Variants in BTRC observed in about 807,000 individuals in gnomAD.
BTRC encodes the protein beta-transducin repeat containing E3 ubiquitin protein ligase.
BTRC carries 42 observed loss-of-function variants against 85.5 expected under a neutral mutation model. That is an observed-to-expected ratio of 0.49 (90% CI 0.38 to 0.64). The LOEUF is 0.64. BTRC is among the 30% of genes least tolerant of loss of function. The probability of loss-of-function intolerance (pLI) is 0.00; values close to 1 mark genes in which losing one functional copy is unlikely to be tolerated. For synonymous variants in BTRC, 255 were observed against 263.3 expected (o/e 0.97, Z 0.30); for missense variants, 594 against 743.5 (o/e 0.80, Z 2.34).
chr10:101,445,902 A>G (rs545775776), intron 2 of BTRC, among the ~76,000 whole-genome samples: 1 of 152,200 alleles, frequency 6.6e-6, no homozygotes, highest in East Asian at 1.9e-4. Context: ...TAATTAACCC[A>G]GCAATGGGCT....
chr10:101,487,651 G>A (rs998721445), intron 4 of BTRC, among the ~76,000 whole-genome samples: 1 of 152,126 alleles, frequency 6.6e-6, no homozygotes, highest in Non-Finnish European at 1.5e-5. Context: ...ATCCATCTTT[G>A]GACTCCTGTC....
At chr10:101,358,007 AAAATG>A (rs1354748346) in intron 1 of BTRC, among the ~76,000 whole-genome samples, 1 of 152,198 alleles carries the variant, frequency 6.6e-6, no homozygotes. Context: ...AAGAGAAATG[AAAATG>A]ATTGAGGGAA....
intron 1 of BTRC, among the ~76,000 whole-genome samples, chr10:101,399,325 T>C (rs1477262263): frequency 1.2e-4 from 3 of 24,944 alleles, no homozygotes; most frequent in Admixed American, 1.5e-3. Flanking sequence ...AATCACCTTT[T>C]TTTTTTTTTT....
At chr10:101,443,501 A>G (rs1167529544) in intron 2 of BTRC, among the ~76,000 whole-genome samples, 1 of 152,212 alleles carries the variant, frequency 6.6e-6, no homozygotes, top group Non-Finnish European at 1.5e-5. Context: ...GTGCATACAA[A>G]ACCACTTCAG....
intron 3 of BTRC, among the ~76,000 whole-genome samples, chr10:101,462,468 C>A (rs374461827): frequency 6.6e-6 from 1 of 152,006 alleles, no homozygotes; most frequent in Non-Finnish European, 1.5e-5. Context: ...TACCTGAAGT[C>A]GGGAGTTCGA....
chr10:101,386,454 A>G lies in BTRC; in HGVS notation c.48+32226A>G, dbSNP rs557603717. On this transcript the variant is annotated intron_variant, in intron 1 of 14. Transcript: ENST00000370187. The stretch of plus-strand genomic sequence containing the variant: ...TTAAGGTATCAACACTGACAATGCT[A>G]TCTATCTAATTAGCTCATTCAAGAA... 4.6e-5 allele frequency among the ~76,000 whole-genome samples: 7 copies of G among 152,312 alleles called. No homozygotes were observed. The South Asian group carries it at 6.2e-4, about 14-fold the overall frequency.
intron 1 of BTRC, among the ~76,000 whole-genome samples, chr10:101,422,091 G>A (rs1944118174): frequency 6.6e-6 from 1 of 152,206 alleles, no homozygotes; most frequent in African/African-American, 2.4e-5. Flanking sequence ...CCCACCAACA[G>A]TGTAAAAGTG....
intron 2 of BTRC, among the ~76,000 whole-genome samples, chr10:101,453,152 A>C (rs1485125898): frequency 1.3e-5 from 2 of 152,222 alleles, no homozygotes; most frequent in Non-Finnish European, 2.9e-5. Flanking sequence ...TCCAAGTCAC[A>C]TAATAAGTTA....
At chr10:101,514,928 G>C (rs1278800959) in intron 4 of BTRC, among the ~76,000 whole-genome samples, 2 of 152,116 alleles carry the variant, frequency 1.3e-5, no homozygotes, top group Non-Finnish European at 2.9e-5. Flanking sequence ...TTTTTTCAAA[G>C]GGTTTTGTGG....
rs1023233452 is a variant in BTRC, at chr10:101,531,342, C to T, written c.840+9C>T. The stretch of plus-strand genomic sequence containing the variant: ...TTATACAAGACATTGAGGTAAGAAT[C>T]TATGTATTTTGGGGTATTGCCCAAG... On this transcript the variant is annotated intron_variant, in intron 7 of 14. Transcript: ENST00000370187. 8 of 1,575,112 alleles carry T rather than the reference C, an allele frequency of 5.1e-6. No homozygotes were observed. Among genetic ancestry groups the T allele is most frequent in the Non-Finnish European group, 6.1e-6 (7 of 1,146,748 alleles).
At chr10:101,503,395 A>G (rs912741542) in intron 4 of BTRC, among the ~76,000 whole-genome samples, 4 of 152,224 alleles carry the variant, frequency 2.6e-5, no homozygotes, top group African/African-American at 9.6e-5. Flanking sequence ...TTCAGCTTAT[A>G]TAATAACTGC....
chr10:101,527,856 T>C (rs888446368), intron 6 of BTRC, among the ~76,000 whole-genome samples: 3 of 152,144 alleles, frequency 2.0e-5, no homozygotes. Flanking sequence ...ATATGTTTTT[T>C]AATTCTTATT....
chr10:101,354,579 T>A lies in BTRC; in HGVS notation c.48+351T>A, dbSNP rs535189009. The A allele has an allele frequency of 1.2e-3, 381 of 314,560 alleles. 2 individuals are homozygous for A. The highest frequency in any genetic ancestry group is 7.4e-3 in the African/African-American group (330 of 44,870). 19.5% of individuals were successfully genotyped at this position (314,560 alleles called of 1,614,324 possible). On this transcript the variant is annotated intron_variant, in intron 1 of 14. Coordinates refer to ENST00000370187, the MANE Select transcript of BTRC (RefSeq NM_033637.4). ...CTCTGGAGAAACGCCGTGAGGCCGC[T>A]GGCGGGGCCTTCCTGGTGTCAGGGT...
chr10:101,387,325 G>T, intron 1 of BTRC, among the ~76,000 whole-genome samples: 1 of 149,456 alleles, frequency 6.7e-6, no homozygotes. Flanking sequence ...TTTTTGTATT[G>T]GGAACATTCA....
At chr10:101,500,496 G>A (rs1946375102) in intron 4 of BTRC, among the ~76,000 whole-genome samples, 1 of 152,158 alleles carries the variant, frequency 6.6e-6, no homozygotes, top group Admixed American at 6.5e-5. Context: ...GAAGCAAAGG[G>A]ATTATTAATA....
chr10:101,487,300 T>C (rs1420337074), intron 4 of BTRC, among the ~76,000 whole-genome samples: 1 of 152,256 alleles, frequency 6.6e-6, no homozygotes, highest in Non-Finnish European at 1.5e-5. Context: ...TTCATTGCTA[T>C]ATAATTTGTG....
chr10:101,357,533 G>A (rs184019300), intron 1 of BTRC, among the ~76,000 whole-genome samples: 45 of 151,440 alleles, frequency 3.0e-4, no homozygotes, highest in Non-Finnish European at 5.4e-4. Context: ...TTAATCAAAC[G>A]GGCATTTTTA....
Position 101,354,189 on chromosome 10 carries a change from G to A in BTRC, c.9G>A (p.Pro3=). ...CAGTGGCCTCGGCGATTATGGACCC[G>A]GCCGAGGCGGTGCTGCAAGAGAAGG... The part of the protein sequence containing the change: MD[P]AEAVLQEKAL... Residue 3 remains proline, a synonymous_variant, in exon 1 of 15, where the codon CCG becomes CCA. Coordinates refer to ENST00000370187, the MANE Select transcript of BTRC (RefSeq NM_033637.4). 2.6e-6 allele frequency: 4 copies of A among 1,549,140 alleles called. No homozygotes were observed. Among genetic ancestry groups the A allele is most frequent in the Non-Finnish European group, 3.5e-6 (4 of 1,146,706 alleles).
intron 2 of BTRC, among the ~76,000 whole-genome samples, chr10:101,449,731 G>A (rs190004748): frequency 4.0e-5 from 6 of 151,866 alleles, no homozygotes; most frequent in Admixed American, 3.3e-4. Context: ...AATCCCCCTG[G>A]TGAATTTTAA....
Sources: gnomAD v4.1 joint callset for allele counts (sites outside exome capture counted in the v4.1 genomes callset) on GRCh38, gnomAD v4.1.1 for gene constraint, MANE v1.5 for transcripts, NCBI Gene and HGNC (gene_info 2026-07-23, HGNC 2026-07-21) for gene names.